CMYA5: variants seen among roughly 807,000 people sequenced by gnomAD.
CMYA5 encodes the protein cardiomyopathy associated 5.
Under a neutral mutation model 318.9 loss-of-function variants are expected in CMYA5, and 246 were observed. The ratio of observed to expected loss-of-function variants is 0.77; its 90% CI spans 0.70 to 0.86. CMYA5 has a LOEUF of 0.86. CMYA5 is among the 40% of genes least tolerant of loss of function. CMYA5 has a pLI of 0.00. For synonymous variants in CMYA5, 1,641 were observed against 1,729.5 expected (o/e 0.95, Z 1.27); for missense variants, 4,589 against 4,678.2 (o/e 0.98, Z 0.56).
intron 5 of CMYA5, among the ~76,000 whole-genome samples, chr5:79,747,602 T>C (rs1327841601): frequency 1.3e-5 from 2 of 152,250 alleles, no homozygotes; most frequent in African/African-American, 2.4e-5. Context: ...TGATTTTGTT[T>C]TGTTTTGTTG....
intron 1 of CMYA5, among the ~76,000 whole-genome samples, chr5:79,713,297 G>GC (rs1161319591): frequency 5.2e-3 from 127 of 24,290 alleles, no homozygotes; most frequent in African/African-American, 7.4e-3. Context: ...GCTGCACCCC[G>GC]CCCCCACCCC....
At chr5:79,712,397 T>G (rs13187108) in intron 1 of CMYA5, among the ~76,000 whole-genome samples, 48,269 of 151,690 alleles carry the variant, frequency 0.32, 8,274 homozygotes, top group African/African-American at 0.46. Context: ...TATTTTTGTA[T>G]AGATGGGGTA....
intron 5 of CMYA5, 60 bp from the exon 6 acceptor site, chr5:79,752,616 T>G: frequency 8.0e-7 from 1 of 1,254,600 alleles, no homozygotes; most frequent in South Asian, 1.3e-5. Context: ...ACAATTTTTT[T>G]CACTTTCATT....
intron 9 of CMYA5, among the ~76,000 whole-genome samples, chr5:79,775,072 T>C (rs1423939782): frequency 2.6e-5 from 4 of 152,264 alleles, no homozygotes; most frequent in East Asian, 3.9e-4. Flanking sequence ...AAAGTTCTTA[T>C]TGAGTAATTA....
At position 79,736,572 on chromosome 5, in the gene CMYA5, G is replaced by A. The variant is rs770958823; in HGVS notation, c.7807G>A (p.Ala2603Thr). ...TACTGAAAAATCAGAAGCCATGCTCGCAGAGGCTCACCCAGAAATCAGAGA... is the reference window on the plus strand; with the variant it reads ...TACTGAAAAATCAGAAGCCATGCTCACAGAGGCTCACCCAGAAATCAGAGA... ...SVTEKSEAML[A>T]EAHPEIREAK... Residue 2603 changes from alanine to threonine, a missense_variant, in exon 2 of 13, where the codon GCA becomes ACA. Physicochemically the swap from Ala to Thr is moderately conservative, Grantham distance 58 (BLOSUM62 0). Around this residue, in one of 3 missense-constraint regions of CMYA5, gnomAD observed 2,431 missense variants for 2,495.1 expected, o/e 0.97. Transcript: ENST00000446378. 32 of 1,613,690 alleles carry A rather than the reference G, an allele frequency of 2.0e-5. No individual in the cohort carries two copies. The highest frequency in any genetic ancestry group is 2.7e-5 in the African/African-American group (2 of 75,006).
Position 79,729,058 on chromosome 5 carries a change from C to A in CMYA5, c.293C>A (p.Ser98Ter). The A allele has an allele frequency of 6.2e-7, 1 of 1,613,934 alleles. No individual in the cohort carries two copies. The highest frequency in any genetic ancestry group is 8.5e-7 in the Non-Finnish European group (1 of 1,179,870). Reference protein sequence around the residue: ...NSSRSSTPWASEESQTSGVCS... With the variant: ...NSSRSSTPWA ...AGTAGATCTTCTACTCCTTGGGCTT[C>A]AGAAGAAAGTCAGACTTCTGGTGTG... Residue 98 changes from serine (S) to a stop codon, truncating the protein, a stop_gained, in exon 2 of 13, where the codon TCA (serine) becomes TAA (stop). Coordinates refer to ENST00000446378, the MANE Select transcript of CMYA5 (RefSeq NM_153610.5). LOFTEE classifies it high-confidence loss of function.
intron 1 of CMYA5, among the ~76,000 whole-genome samples, chr5:79,728,460 A>T (rs1352364260): frequency 6.6e-6 from 1 of 152,020 alleles, no homozygotes; most frequent in East Asian, 1.9e-4. Context: ...GGTACCTGTG[A>T]TACCAGCTGA....
chr5:79,699,183 A>G (rs1284528660), intron 1 of CMYA5, among the ~76,000 whole-genome samples: 8 of 152,188 alleles, frequency 5.3e-5, no homozygotes, highest in Non-Finnish European at 1.2e-4. Flanking sequence ...CAACAAAAAA[A>G]GAAAAGAAAA....
Position 79,738,542 on chromosome 5 carries a change from C to G in CMYA5, c.9777C>G (p.Gly3259=). 1 of 1,613,302 alleles carries G rather than the reference C, an allele frequency of 6.2e-7. No individual in the cohort carries two copies. Among genetic ancestry groups the G allele is most frequent in the African/African-American group, 1.3e-5 (1 of 75,014 alleles). Residue 3259 remains glycine, a synonymous_variant, in exon 2 of 13, where the codon GGC becomes GGG. Coordinates refer to ENST00000446378, the MANE Select transcript of CMYA5 (RefSeq NM_153610.5). ...HDTSLTQKDQ[G]QGLEEKRVGK... is the part of the protein sequence containing the mutation. Reference sequence around the variant, plus strand: ...CATCTCTAACTCAAAAGGACCAGGGCCAAGGTCTGGAAGAAAAACGAGTTG... The same window carrying G: ...CATCTCTAACTCAAAAGGACCAGGGGCAAGGTCTGGAAGAAAAACGAGTTG...
At chr5:79,799,283 G>A in intron 12 of CMYA5, 87 bp from the exon 13 acceptor site, 1 of 1,362,476 alleles carries the variant, frequency 7.3e-7, no homozygotes, top group Non-Finnish European at 1.0e-6. Flanking sequence ...GTTAATAACT[G>A]AAGAATTGGT....
chr5:79,746,359 A>G (rs541752952), intron 4 of CMYA5, among the ~76,000 whole-genome samples: 3 of 152,284 alleles, frequency 2.0e-5, no homozygotes, highest in African/African-American at 7.2e-5. Context: ...TGAAGTGGAC[A>G]TGGCCATTCT....
At position 79,738,275 on chromosome 5, in the gene CMYA5, A is replaced by T. The variant is rs147888791; in HGVS notation, c.9510A>T (p.Ile3170=). The T allele has an allele frequency of 1.4e-4, 227 of 1,613,446 alleles. 2 individuals carry two copies. The African/African-American group carries it at 2.8e-3, about 20-fold the overall frequency. ...AEEGVLSRTQ[I]FPTTIKVIDP... The stretch of plus-strand genomic sequence containing the variant: ...AAGGAGTTCTATCACGAACCCAGAT[A>T]TTTCCTACCACTATTAAAGTCATTG... Residue 3170 remains isoleucine, a synonymous_variant, in exon 2 of 13, where the codon ATA becomes ATT. Coordinates refer to ENST00000446378, the MANE Select transcript of CMYA5 (RefSeq NM_153610.5).
At chr5:79,796,100 A>G (rs1184943366) in intron 12 of CMYA5, among the ~76,000 whole-genome samples, 1 of 152,050 alleles carries the variant, frequency 6.6e-6, no homozygotes, top group Non-Finnish European at 1.5e-5. Context: ...CCTCCCAGGT[A>G]GGGATTGGCT....
chr5:79,698,453 C>T (rs1248001864), intron 1 of CMYA5, among the ~76,000 whole-genome samples: 1 of 152,238 alleles, frequency 6.6e-6, no homozygotes, highest in Non-Finnish European at 1.5e-5. Flanking sequence ...TTCTCCCTGA[C>T]TGGCCCCTGT....
chr5:79,715,562 C>T (rs1008217974), intron 1 of CMYA5, among the ~76,000 whole-genome samples: 1 of 152,118 alleles, frequency 6.6e-6, no homozygotes, highest in African/African-American at 2.4e-5. Context: ...GCTGGGATTA[C>T]AGACGTGAGC....
At position 79,731,132 on chromosome 5, in the gene CMYA5, AC is replaced by A; in HGVS notation, c.2368del (p.Arg790ValfsTer8). The A allele has an allele frequency of 6.2e-7, 1 of 1,614,042 alleles. No homozygotes were observed. Among genetic ancestry groups the A allele is most frequent in the South Asian group, 1.1e-5 (1 of 91,078 alleles). On this transcript the variant is annotated frameshift_variant, in exon 2 of 13. Coordinates refer to ENST00000446378, the MANE Select transcript of CMYA5 (RefSeq NM_153610.5). LOFTEE classifies it high-confidence loss of function. The stretch of plus-strand genomic sequence containing the variant: ...CAGAAGGAGAGGACCTAGGAAGTGA[AC>A]GTTTCACACCGGATTCAAAGTTGAT... ...PSEGEDLGSERFTPDSKLISK... is the reference protein window; with the variant it reads ...PSEGEDLGSEXFTPDSKLISK...
Position 79,793,575 on chromosome 5 carries a change from G to T in CMYA5, c.11928G>T (p.Glu3976Asp). The T allele has an allele frequency of 2.5e-6, 4 of 1,613,632 alleles. No individual in the cohort carries two copies. The highest frequency in any genetic ancestry group is 3.4e-6 in the Non-Finnish European group (4 of 1,179,658). Residue 3976 changes from glutamate to aspartate, a missense_variant, in exon 12 of 13, where the codon GAG (glutamate) becomes GAT (aspartate). This residue lies in a region of CMYA5 where 2,431 missense variants were observed against 2,495.1 expected (regional missense o/e 0.97). Transcript: ENST00000446378. ...AVQAGALGQG[E>D]TSWYMHCSEP... ...AGGCAGGTGCCCTAGGACAAGGGGA[G>T]ACCTCATGGTACATGCACTGCTCTG...
chr5:79,711,958 A>G (rs1827399215), intron 1 of CMYA5, among the ~76,000 whole-genome samples: 2 of 152,136 alleles, frequency 1.3e-5, no homozygotes, highest in Admixed American at 6.5e-5. Context: ...CTCTTCGCAT[A>G]TGGTACAGCA....
At position 79,758,857 on chromosome 5, in the gene CMYA5, C is replaced by G; in HGVS notation, c.11215C>G (p.Gln3739Glu). The G allele has an allele frequency of 6.2e-7, 1 of 1,604,524 alleles. No individual in the cohort carries two copies. Among genetic ancestry groups the G allele is most frequent in the Non-Finnish European group, 8.5e-7 (1 of 1,175,604 alleles). ...MNKEDVIDSF[Q>E]VYCMEEPQDD... ...CAAGGAAGATGTCATTGATTCATTTCAGGTTTACTGCATGGAGGAGCCACA... is the reference window on the plus strand; with the variant it reads ...CAAGGAAGATGTCATTGATTCATTTGAGGTTTACTGCATGGAGGAGCCACA... The change falls in exon 7 of 13, where the codon CAG becomes GAG. Residue 3739 changes from glutamine to glutamate, a missense_variant. Gln to Glu is a conservative substitution (Grantham distance 29). Transcript: ENST00000446378.
Sources: gnomAD v4.1 joint callset for allele counts (sites outside exome capture counted in the v4.1 genomes callset) on GRCh38, gnomAD v4.1.1 for gene constraint, gnomAD v4.1.1 regional missense constraint, MANE v1.5 for transcripts, NCBI Gene and HGNC (gene_info 2026-07-23, HGNC 2026-07-21) for gene names.